RC3H2: variants seen among roughly 807,000 people sequenced by gnomAD.
RC3H2 encodes the protein ring finger and CCCH-type domains 2.
Under a neutral mutation model 133.3 loss-of-function variants are expected in RC3H2, and 31 were observed. That is an observed-to-expected ratio of 0.23 (90% CI 0.17 to 0.31). RC3H2 has a LOEUF of 0.31. RC3H2 is among the 10% of genes least tolerant of loss of function. The pLI, the probability that RC3H2 is intolerant of heterozygous loss-of-function variation, is 1.00. For synonymous variants in RC3H2, 517 were observed against 502.2 expected, an observed-to-expected ratio of 1.03 and a Z score of -0.40; for missense variants, 1,175 against 1,437.2, an observed-to-expected ratio of 0.82 and a Z score of 2.95.
chr9:122,859,185 T>A, intron 11 of RC3H2, 83 bp from the exon 12 acceptor site: 1 of 1,115,370 alleles, frequency 9.0e-7, no homozygotes, highest in Non-Finnish European at 1.2e-6. Flanking sequence ...AGGCAGCCCT[T>A]AATGTAGGAA....
In RC3H2 at chr9:122,905,287, GCCTCCT is replaced by G. The variant is rs376103984; in HGVS notation, c.-251_-246del. 8 of 985,776 alleles carry G rather than the reference GCCTCCT, an allele frequency of 8.1e-6. No individual in the cohort carries two copies. Among genetic ancestry groups the G allele is most frequent in the East Asian group, 1.1e-4 (1 of 8,816 alleles). The allele number at this position is 985,776 out of a possible 1,614,324, so 61.1% of individuals were successfully genotyped here. ...TGGCGGCGGCGAAGGCCGCGACGGG[GCCTCCT>G]CCTCCTCCCTCCACCTCCGCCTCCT... On this transcript the variant is annotated 5_prime_UTR_variant, in exon 1 of 21. Coordinates refer to ENST00000357244, the MANE Select transcript of RC3H2 (RefSeq NM_001100588.3).
intron 2 of RC3H2, among the ~76,000 whole-genome samples, chr9:122,896,586 A>T (rs1832429140): frequency 6.6e-6 from 1 of 152,214 alleles, no homozygotes; most frequent in Non-Finnish European, 1.5e-5. Flanking sequence ...CAATCATGAA[A>T]ATCAGGTACA....
chr9:122,879,936 T>C (rs1343201354), intron 7 of RC3H2, 57 bp downstream of exon 7: 11 of 1,611,664 alleles, frequency 6.8e-6, no homozygotes, highest in Admixed American at 1.7e-5. Flanking sequence ...AATTCTCTTG[T>C]GTTATTCACC....
At chr9:122,898,605 C>T (rs1464040193) in intron 1 of RC3H2, among the ~76,000 whole-genome samples, 2 of 151,960 alleles carry the variant, frequency 1.3e-5, no homozygotes, top group Admixed American at 6.6e-5. Context: ...CAAAATTAGC[C>T]AGACGTGGTG....
intron 9 of RC3H2, among the ~76,000 whole-genome samples, chr9:122,870,833 T>TA (rs1323474990): frequency 2.0e-5 from 3 of 152,246 alleles, no homozygotes; most frequent in African/African-American, 7.2e-5. Flanking sequence ...TCTCATTTGG[T>TA]AAAAGCTCAA....
At chr9:122,876,760 C>T (rs1368046027) in intron 9 of RC3H2, among the ~76,000 whole-genome samples, 1 of 151,516 alleles carries the variant, frequency 6.6e-6, no homozygotes, top group African/African-American at 2.4e-5. Flanking sequence ...AGTATTAAAC[C>T]TTACATACAT....
intron 4 of RC3H2, among the ~76,000 whole-genome samples, chr9:122,886,684 T>C (rs972433467): frequency 5.3e-5 from 8 of 152,220 alleles, no homozygotes; most frequent in Non-Finnish European, 2.9e-5. Flanking sequence ...AGCAAGACCC[T>C]GTCTCTAAAA....
chr9:122,869,367 C>CA (rs1348214223), intron 9 of RC3H2, among the ~76,000 whole-genome samples: 1 of 152,108 alleles, frequency 6.6e-6, no homozygotes, highest in Non-Finnish European at 1.5e-5. Context: ...AATGCCTTCA[C>CA]AATAGTTTCC....
chr9:122,868,787 GTA>G, intron 9 of RC3H2, among the ~76,000 whole-genome samples: 1 of 149,816 alleles, frequency 6.7e-6, no homozygotes, highest in South Asian at 2.1e-4. Context: ...GTGTTTCTAT[GTA>G]TACACCAAAA....
In RC3H2 at chr9:122,865,506, T is replaced by C. The variant is rs765726062; in HGVS notation, c.1477A>G (p.Thr493Ala). 6.2e-7 allele frequency: 1 copy of C among 1,614,114 alleles called. No homozygotes were observed. The highest frequency in any genetic ancestry group is 8.5e-7 in the Non-Finnish European group (1 of 1,180,044). ...TTTTCTGCATTTGAAATTCCGTTTGTACTTGGAACAATTTTCCCTGTTGTT... is the reference window on the plus strand; with the variant it reads ...TTTTCTGCATTTGAAATTCCGTTTGCACTTGGAACAATTTTCCCTGTTGTT... ...TETTGKIVPS[T>A]NGISNAENSV... The change falls in exon 10 of 21, where the codon ACA becomes GCA. Residue 493 changes from threonine (T) to alanine (A), a missense_variant. Around this residue, in one of 8 missense-constraint regions of RC3H2, gnomAD observed 490 missense variants for 492.8 expected, o/e 0.99. Coordinates refer to ENST00000357244, the MANE Select transcript of RC3H2 (RefSeq NM_001100588.3).
intron 9 of RC3H2, among the ~76,000 whole-genome samples, chr9:122,869,321 CAT>C (rs1285700340): frequency 1.3e-5 from 2 of 152,082 alleles, no homozygotes; most frequent in African/African-American, 4.8e-5. Context: ...TATATATAAA[CAT>C]ATGGTAATTA....
intron 20 of RC3H2, among the ~76,000 whole-genome samples, chr9:122,850,680 ACC>A (rs1186827046): frequency 2.0e-5 from 3 of 151,142 alleles, no homozygotes; most frequent in Admixed American, 2.0e-4. Flanking sequence ...CTTGTGATCC[ACC>A]CGCCTCAGCC....
In RC3H2 at chr9:122,891,407, C is replaced by G. The variant is rs150359291; in HGVS notation, c.350-862G>C. ...ATTTCCTAGTCTAGTGCCTTAACTA[C>G]TTAGCCAATTGTAGATCACTACAAT... On this transcript the variant is annotated intron_variant, in intron 3 of 20. Transcript: ENST00000357244. 9.1e-4 allele frequency among the ~76,000 whole-genome samples: 138 copies of G among 152,288 alleles called. 11 individuals carry two copies. The highest frequency in any genetic ancestry group is 8.8e-5 in the Non-Finnish European group (6 of 68,016).
intron 9 of RC3H2, among the ~76,000 whole-genome samples, chr9:122,870,532 G>GT (rs1411754787): frequency 2.6e-5 from 4 of 152,160 alleles, no homozygotes. Context: ...ACCAAGTGAG[G>GT]TAAAGCAAGT....
At chr9:122,868,867 GTGTGTGTGTGTGTGTGTGTGTGTATGTGT>G (rs1302234944) in intron 9 of RC3H2, among the ~76,000 whole-genome samples, 1 of 61,392 alleles carries the variant, frequency 1.6e-5, no homozygotes, top group Non-Finnish European at 4.1e-5. Context: ...GTGTGTGTGT[GTGTGTGTGTGTGTGTGTGTGTGTATGTGT>G]TTTTTTTTTT....
chr9:122,885,270 T>C (rs1489086558), intron 4 of RC3H2, among the ~76,000 whole-genome samples: 1 of 152,138 alleles, frequency 6.6e-6, no homozygotes, highest in Non-Finnish European at 1.5e-5. Flanking sequence ...ATAACAAATA[T>C]GGCAAAATAT....
Position 122,845,368 on chromosome 9 carries a change from A to G in RC3H2, c.*4259T>C, listed in dbSNP as rs900062146. 3.3e-5 allele frequency: 5 copies of G among 152,208 alleles called. No homozygotes were observed. The highest frequency in any genetic ancestry group is 5.9e-5 in the Non-Finnish European group (4 of 68,030). 9.4% of individuals were successfully genotyped at this position (152,208 alleles called of 1,614,324 possible). A position where few individuals can be genotyped will look rare whatever the true frequency, so the allele number is the denominator to read the frequency against. ...ACATGTGTTGTATCACAACTACAGT[A>G]TAATTGTTTGCCCAGCTAAGAGAAT... On this transcript the variant is annotated 3_prime_UTR_variant, in exon 21 of 21. Transcript: ENST00000357244.
chr9:122,857,938 T>C lies in RC3H2; in HGVS notation c.2439A>G (p.Val813=). The C allele has an allele frequency of 6.2e-7, 1 of 1,613,668 alleles. No individual in the cohort carries two copies. Among genetic ancestry groups the C allele is most frequent in the Non-Finnish European group, 8.5e-7 (1 of 1,179,850 alleles). ...SPTPPSPLFS[V]DFRADFSESV... Reference sequence around the variant, plus strand: ...CCTTTCTTACATCCGCACGAAAGTCTACACTGAACAGAGGAGAAGGTGGTG... The same window carrying C: ...CCTTTCTTACATCCGCACGAAAGTCCACACTGAACAGAGGAGAAGGTGGTG... The change falls in exon 13 of 21, where the codon GTA becomes GTG. Residue 813 remains valine, a synonymous_variant. Transcript: ENST00000357244.
Position 122,890,309 on chromosome 9 carries a change from T to C in RC3H2, c.583+3A>G. The C allele has an allele frequency of 1.2e-6, 2 of 1,613,286 alleles. No individual in the cohort carries two copies. The highest frequency in any genetic ancestry group is 1.7e-6 in the Non-Finnish European group (2 of 1,179,316). On this transcript the variant is annotated splice_donor_region_variant and intron_variant, in intron 4 of 20. Transcript: ENST00000357244. ...AAAAAGGTAAGATAGTAACCTATCT[T>C]ACCTGGCCCTAAAAACTGGCATCCT...
Sources: gnomAD v4.1 joint callset for allele counts (sites outside exome capture counted in the v4.1 genomes callset) on GRCh38, gnomAD v4.1.1 for gene constraint, gnomAD v4.1.1 regional missense constraint, MANE v1.5 for transcripts, NCBI Gene and HGNC (gene_info 2026-07-23, HGNC 2026-07-21) for gene names.